The following PLA2G4E variants were observed in gnomAD, a reference collection of about 807,000 sequenced individuals.
PLA2G4E encodes phospholipase A2 group IVE.
Under a neutral mutation model 109.1 loss-of-function variants are expected in PLA2G4E, and 84 were observed. The ratio of observed to expected loss-of-function variants is 0.77; its 90% CI spans 0.65 to 0.92. The LOEUF is 0.92. Among genes scored for constraint, PLA2G4E ranks in the 40% least tolerant of loss-of-function variants. The pLI is 0.00. For synonymous variants in PLA2G4E, 469 were observed against 436.1 expected (o/e 1.08, Z -0.94); for missense variants, 1,057 against 1,076.6 (o/e 0.98, Z 0.25).
At chr15:42,000,200 G>C (rs763110259) in exon 8 of PLA2G4E, 46 of 1,593,122 alleles carry the variant, frequency 2.9e-5, no homozygotes, top group Admixed American at 3.5e-5. Flanking sequence ...AGCAGGCAGA[G>C]GTTGGGCAGC....
chr15:42,023,658 C>T (rs1255874785), intron 1 of PLA2G4E, among the ~76,000 whole-genome samples: 3 of 151,988 alleles, frequency 2.0e-5, no homozygotes, highest in Non-Finnish European at 4.4e-5. Context: ...CATCTGTCTC[C>T]CCATCCCTCC....
chr15:42,007,874 G>A lies in PLA2G4E; in HGVS notation c.257-9C>T. 6.3e-7 allele frequency: 1 copy of A among 1,596,142 alleles called. No homozygotes were observed. The highest frequency in any genetic ancestry group is 1.1e-5 in the South Asian group (1 of 88,142). Reference sequence around the variant, plus strand: ...ACAGTCTGTCTGGCTCACTGTCCAAGAAAGATAAGTGGAACCAATCCAGGT... The same window carrying A: ...ACAGTCTGTCTGGCTCACTGTCCAAAAAAGATAAGTGGAACCAATCCAGGT... On this transcript the variant is annotated splice_polypyrimidine_tract_variant and intron_variant, in intron 2 of 19. Transcript: ENST00000399518.
intron 1 of PLA2G4E, among the ~76,000 whole-genome samples, chr15:42,013,994 T>G (rs1275858743): frequency 1.3e-5 from 2 of 150,166 alleles, no homozygotes; most frequent in African/African-American, 4.9e-5. Context: ...CAGGTTCTAG[T>G]GATTCTCCTG....
At chr15:42,004,976 G>T in exon 5 of PLA2G4E, 2 of 1,613,036 alleles carry the variant, frequency 1.2e-6, no homozygotes, top group South Asian at 1.1e-5. Flanking sequence ...GCTCTTCCAT[G>T]CCCTGGTAGG....
intron 1 of PLA2G4E, among the ~76,000 whole-genome samples, chr15:42,034,062 G>A (rs1352281851): frequency 3.3e-5 from 5 of 152,170 alleles, no homozygotes; most frequent in Admixed American, 6.5e-5. Context: ...TATCTGCCTC[G>A]TAGCCCTCAG....
chr15:42,046,083 C>G (rs886552072), intron 1 of PLA2G4E, among the ~76,000 whole-genome samples: 1 of 152,156 alleles, frequency 6.6e-6, no homozygotes, highest in Non-Finnish European at 1.5e-5. Flanking sequence ...ACCCAGAATC[C>G]ATCCACTCCT....
chr15:42,011,593 G>C (rs931446017), intron 2 of PLA2G4E, among the ~76,000 whole-genome samples: 1 of 152,044 alleles, frequency 6.6e-6, no homozygotes, highest in Admixed American at 6.5e-5. Flanking sequence ...AGCCAGGTGT[G>C]GTGGCCCATG....
At chr15:42,018,164 A>T (rs1184440873) in intron 1 of PLA2G4E, among the ~76,000 whole-genome samples, 1 of 152,208 alleles carries the variant, frequency 6.6e-6, no homozygotes, top group East Asian at 1.9e-4. Context: ...TTTGCTTCTG[A>T]TATAATCTGT....
In PLA2G4E at chr15:42,014,003, T is replaced by C. The variant is rs577166631; in HGVS notation, c.184-246A>G. Among the ~76,000 whole-genome samples the C allele has an allele frequency of 2.2e-3, 321 of 148,718 alleles. 3 individuals are homozygous for C. The highest frequency in any genetic ancestry group is 7.6e-3 in the African/African-American group (308 of 40,604). On this transcript the variant is annotated intron_variant, in intron 1 of 19. Coordinates refer to ENST00000399518, the Ensembl canonical transcript of PLA2G4E. The stretch of plus-strand genomic sequence containing the variant: ...GCCTCCCAGGTTCTAGTGATTCTCC[T>C]GCCTCAGCCTCCCATGTAGCTGGGG...
At chr15:42,032,100 G>A (rs1889123489) in intron 1 of PLA2G4E, among the ~76,000 whole-genome samples, 1 of 152,264 alleles carries the variant, frequency 6.6e-6, no homozygotes, top group African/African-American at 2.4e-5. Flanking sequence ...CAACATGCTT[G>A]CTCCCTGTCA....
At chr15:42,022,115 G>A (rs74988351) in intron 1 of PLA2G4E, among the ~76,000 whole-genome samples, 4,241 of 152,214 alleles carry the variant, frequency 0.028, 206 homozygotes, top group African/African-American at 0.096. Context: ...GTAAGCATCT[G>A]CTGTATACAT....
At chr15:41,989,311 A>C (rs1356616500) in intron 15 of PLA2G4E, 104 bp downstream of exon 15, 2 of 1,487,088 alleles carry the variant, frequency 1.3e-6, no homozygotes, top group Non-Finnish European at 1.8e-6. Flanking sequence ...AGGATGAGAC[A>C]ATGCTGGCAA....
chr15:42,050,673 C>T, exon 1 of PLA2G4E: 1 of 1,550,520 alleles, frequency 6.4e-7, no homozygotes, highest in South Asian at 1.2e-5. Context: ...GTTCCCAGGC[C>T]AGGACAGCCT....
At chr15:42,049,802 G>C (rs560908397) in intron 1 of PLA2G4E, among the ~76,000 whole-genome samples, 2 of 152,330 alleles carry the variant, frequency 1.3e-5, no homozygotes, top group South Asian at 4.1e-4. Flanking sequence ...CAGAGGGGCA[G>C]AGGAATGCTG....
intron 10 of PLA2G4E, 34 bp downstream of exon 10, chr15:41,999,490 A>G (rs2068389978): frequency 1.3e-6 from 2 of 1,500,790 alleles, no homozygotes; most frequent in East Asian, 4.5e-5. Context: ...GCTATGAATA[A>G]GTGAGAGGCA....
chr15:42,017,237 G>C (rs536602234), intron 1 of PLA2G4E, among the ~76,000 whole-genome samples: 1 of 152,160 alleles, frequency 6.6e-6, no homozygotes, highest in Admixed American at 6.5e-5. Flanking sequence ...GGCCCAGCCT[G>C]CCTCCTTCAA....
intron 13 of PLA2G4E, among the ~76,000 whole-genome samples, chr15:41,992,383 C>T (rs2068264413): frequency 6.6e-6 from 1 of 152,196 alleles, no homozygotes; most frequent in Admixed American, 6.5e-5. Flanking sequence ...TTCCTCTCCC[C>T]ACCCCTAGGG....
At chr15:42,012,658 A>G (rs1264962509) in intron 2 of PLA2G4E, among the ~76,000 whole-genome samples, 10 of 152,084 alleles carry the variant, frequency 6.6e-5, no homozygotes, top group African/African-American at 2.4e-4. Flanking sequence ...CCCAGCTCTC[A>G]TTGTTCTCCT....
At position 42,025,628 on chromosome 15, in the gene PLA2G4E, C is replaced by G. The variant is rs987711695; in HGVS notation, c.184-11871G>C. ...AGTTTGGCAGTTCCAAGAGACGTTC[C>G]CCCTACCTCCCTCTGTACCCAAGCT... On this transcript the variant is annotated intron_variant, in intron 1 of 19. Transcript: ENST00000399518. Among the ~76,000 whole-genome samples, 5 of 152,166 alleles carry G rather than the reference C, an allele frequency of 3.3e-5. No homozygotes were observed. The East Asian group carries it at 9.6e-4, about 29-fold the overall frequency.
Sources: gnomAD v4.1 joint callset for allele counts (sites outside exome capture counted in the v4.1 genomes callset) on GRCh38, gnomAD v4.1.1 for gene constraint, MANE v1.5 for transcripts, NCBI Gene and HGNC (gene_info 2026-07-23, HGNC 2026-07-21) for gene names.